Variants in BBOX1 observed in about 807,000 individuals in gnomAD.
BBOX1 encodes gamma-butyrobetaine dioxygenase.
Under a neutral mutation model 41.6 loss-of-function variants are expected in BBOX1, and 35 were observed. The observed-to-expected ratio is 0.84, with a 90% CI of 0.64 to 1.11. The LOEUF is 1.11. Among genes scored for constraint, BBOX1 ranks in the 50% most tolerant of loss-of-function variants. BBOX1 has a pLI of 0.00. For missense variants in BBOX1, 458 were observed against 460.6 expected (o/e 0.99, Z 0.05); for synonymous variants, 163 against 154.7 (o/e 1.05, Z -0.40).
chr11:27,127,729 C>A lies in BBOX1; in HGVS notation c.*276C>A. On this transcript the variant is annotated 3_prime_UTR_variant, in exon 9 of 9. Transcript: ENST00000263182. ...TATATGAGTATCTCCAGAATGTCTA[C>A]AAATAGTTTTTGTAGCAAATGAAAA... The A allele has an allele frequency of 3.3e-6, 1 of 305,528 alleles. No homozygotes were observed. The highest frequency in any genetic ancestry group is 5.9e-6 in the Non-Finnish European group (1 of 168,346). The allele number at this position is 305,528 out of a possible 1,614,324, so 18.9% of individuals were successfully genotyped here.
At chr11:27,043,826 C>A (rs1372561781) in intron 2 of BBOX1, among the ~76,000 whole-genome samples, 3 of 152,156 alleles carry the variant, frequency 2.0e-5, no homozygotes, top group Admixed American at 2.0e-4. Flanking sequence ...GCCACATTTT[C>A]TTTATCCAGT....
intron 5 of BBOX1, among the ~76,000 whole-genome samples, chr11:27,098,372 A>G (rs1858524116): frequency 6.6e-6 from 1 of 152,010 alleles, no homozygotes; most frequent in Non-Finnish European, 1.5e-5. Flanking sequence ...CCTCACTCAA[A>G]TGAACGAGTT....
At chr11:27,097,903 C>T (rs769456083) in intron 5 of BBOX1, among the ~76,000 whole-genome samples, 1 of 151,946 alleles carries the variant, frequency 6.6e-6, no homozygotes, top group Non-Finnish European at 1.5e-5. Context: ...TATGCAATGT[C>T]GTGCAGCCCT....
At position 27,092,914 on chromosome 11, in the gene BBOX1, T is replaced by A. The variant is rs149218765; in HGVS notation, c.335-254T>A. On this transcript the variant is annotated intron_variant, in intron 4 of 8. Coordinates refer to ENST00000263182, the MANE Select transcript of BBOX1 (RefSeq NM_003986.3). ...GAGTCATTCATCAGCTAAACAATAT[T>A]CCCTTAACAAATGGGGCATATTGAA... Among the ~76,000 whole-genome samples the A allele has an allele frequency of 2.1e-4, 32 of 151,946 alleles. No homozygotes were observed. The East Asian group carries it at 5.6e-3, about 27-fold the overall frequency.
intron 5 of BBOX1, 117 bp from the exon 6 acceptor site, chr11:27,115,335 G>C: frequency 1.3e-6 from 1 of 755,686 alleles, no homozygotes; most frequent in Non-Finnish European, 2.1e-6. Flanking sequence ...AGTCATTATG[G>C]TAATTATTTC....
At chr11:27,124,087 G>A (rs1440880649) in intron 7 of BBOX1, among the ~76,000 whole-genome samples, 4 of 152,116 alleles carry the variant, frequency 2.6e-5, no homozygotes, top group African/African-American at 9.7e-5. Context: ...ATCACAATTT[G>A]TACTTCACTG....
At chr11:27,047,893 A>G (rs1310908636) in intron 2 of BBOX1, among the ~76,000 whole-genome samples, 3 of 152,158 alleles carry the variant, frequency 2.0e-5, no homozygotes, top group Non-Finnish European at 4.4e-5. Context: ...TACTTCTACT[A>G]CTATTACTAC....
chr11:27,063,707 G>A (rs949448699), intron 4 of BBOX1, among the ~76,000 whole-genome samples: 3 of 151,110 alleles, frequency 2.0e-5, no homozygotes, highest in Non-Finnish European at 4.4e-5. Context: ...CCTCTCTCAT[G>A]GCAGTCTTTA....
chr11:27,084,798 C>T (rs1857975984), intron 4 of BBOX1, among the ~76,000 whole-genome samples: 1 of 152,032 alleles, frequency 6.6e-6, no homozygotes, highest in South Asian at 2.1e-4. Flanking sequence ...GATGCTTAAC[C>T]CTGAAAAGGA....
At chr11:27,055,705 T>C in intron 3 of BBOX1, 56 bp downstream of exon 3, 2 of 1,488,848 alleles carry the variant, frequency 1.3e-6, no homozygotes, top group Admixed American at 1.8e-5. Context: ...ATGGGGCTAG[T>C]CAACAATAAT....
intron 8 of BBOX1, among the ~76,000 whole-genome samples, chr11:27,126,963 C>A (rs372959633): frequency 6.6e-6 from 1 of 152,092 alleles, no homozygotes; most frequent in African/African-American, 2.4e-5. Context: ...CGTGAGCCAC[C>A]GCGCCCGGCA....
chr11:27,055,869 T>A (rs1421824208), intron 3 of BBOX1, among the ~76,000 whole-genome samples: 1 of 152,210 alleles, frequency 6.6e-6, no homozygotes, highest in Non-Finnish European at 1.5e-5. Context: ...TAATAAAATT[T>A]GCAGTGTTAC....
At chr11:27,122,421 A>T (rs1859498219) in intron 7 of BBOX1, among the ~76,000 whole-genome samples, 1 of 152,168 alleles carries the variant, frequency 6.6e-6, no homozygotes, top group African/African-American at 2.4e-5. Context: ...CAGAGTTAAT[A>T]TATGGAAGCC....
intron 4 of BBOX1, among the ~76,000 whole-genome samples, chr11:27,090,647 CAG>C (rs1942449462): frequency 6.6e-6 from 1 of 151,884 alleles, no homozygotes; most frequent in South Asian, 2.1e-4. Flanking sequence ...CAACAGAAAA[CAG>C]GGTTTGAGAG....
chr11:27,070,124 G>T (rs1393415953), intron 4 of BBOX1, among the ~76,000 whole-genome samples: 1 of 152,090 alleles, frequency 6.6e-6, no homozygotes, highest in African/African-American at 2.4e-5. Context: ...TGTGTTCTGA[G>T]AGGGTACTTG....
At chr11:27,121,838 G>A (rs1209077243) in intron 7 of BBOX1, among the ~76,000 whole-genome samples, 1 of 152,116 alleles carries the variant, frequency 6.6e-6, no homozygotes, top group South Asian at 2.1e-4. Context: ...TACAGATTCT[G>A]CAAGGCTAGT....
intron 4 of BBOX1, among the ~76,000 whole-genome samples, chr11:27,088,520 G>T (rs751648833): frequency 6.6e-6 from 1 of 151,950 alleles, no homozygotes; most frequent in Admixed American, 6.6e-5. Context: ...CTGACTAGGA[G>T]CCAAGGTTTA....
intron 4 of BBOX1, among the ~76,000 whole-genome samples, chr11:27,061,835 TTCTATTCAGTTGCACATATATTGGGTA>T (rs1857141836): frequency 6.6e-6 from 1 of 152,210 alleles, no homozygotes; most frequent in Non-Finnish European, 1.5e-5. Flanking sequence ...CCTCATAAAT[TTCTATTCAGTTGCACATATATTGGGTA>T]TCTATTTTGT....
At chr11:27,053,902 T>G (rs1322238683) in intron 2 of BBOX1, among the ~76,000 whole-genome samples, 2 of 152,194 alleles carry the variant, frequency 1.3e-5, no homozygotes, top group African/African-American at 4.8e-5. Context: ...ATTTCACACA[T>G]GCAATTATTG....
Sources: allele counts gnomAD v4.1 joint callset (sites outside exome capture counted in the v4.1 genomes callset), GRCh38; gene constraint gnomAD v4.1.1; transcripts MANE v1.5; gene names NCBI Gene and HGNC (gene_info 2026-07-23, HGNC 2026-07-21).